SNN: variants seen among roughly 807,000 people sequenced by gnomAD.
SNN encodes stannin.
In SNN, 5 loss-of-function variants were observed where a neutral mutation model predicts 5.3. The observed-to-expected ratio is 0.94, with a 90% confidence interval of 0.49 to 1.97. SNN has a LOEUF of 1.97. Among genes scored for constraint, SNN ranks in the 30% most tolerant of loss-of-function variants. The probability of loss-of-function intolerance (pLI) is 0.01; values close to 1 mark genes in which losing one functional copy is unlikely to be tolerated. For synonymous variants in SNN, 67 were observed against 52.1 expected (o/e 1.29, Z -1.24); for missense variants, 127 against 121.6 (o/e 1.04, Z -0.21).
intron 1 of SNN, among the ~76,000 whole-genome samples, chr16:11,675,760 G>A (rs8191325): frequency 3.9e-5 from 6 of 152,170 alleles, no homozygotes; most frequent in Admixed American, 6.5e-5. Flanking sequence ...CGGCTCTGCC[G>A]CCAGCGAGGG....
Position 11,678,177 on chromosome 16 carries a change from G to A in SNN, c.*1851G>A, listed in dbSNP as rs1015110865. On this transcript the variant is annotated 3_prime_UTR_variant, in exon 2 of 2. Transcript: ENST00000329565. ...GATGTCAGCAGAAGCCCTGCAGGCT[G>A]GGTGGGCAGGACACGTGGTGGGGGC... 3 of 167,206 alleles carry A rather than the reference G, an allele frequency of 1.8e-5. No individual in the cohort carries two copies. The highest frequency in any genetic ancestry group is 4.8e-5 in the African/African-American group (2 of 41,418). 10.4% of individuals were successfully genotyped at this position (167,206 alleles called of 1,614,324 possible).
chr16:11,672,926 G>A lies in SNN; in HGVS notation c.-85-3049G>A, dbSNP rs1001524302. On this transcript the variant is annotated intron_variant, in intron 1 of 1. Transcript: ENST00000329565. This position sits in a 1 kb window ranked among gnomAD's most constrained non-coding sequence, Gnocchi z 6.0. ...TTTGCCCCGCCTATCCCAGGTCCTG[G>A]TGCCATTGTTTGATTTTCTACTTCC... is the stretch of plus-strand genomic sequence containing the variant. Among the ~76,000 whole-genome samples, 12 of 152,164 alleles carry A rather than the reference G, an allele frequency of 7.9e-5. No individual in the cohort carries two copies. The highest frequency in any genetic ancestry group is 2.7e-4 in the African/African-American group (11 of 41,428).
Position 11,679,132 on chromosome 16 carries a change from T to C in SNN, c.*2806T>C. On this transcript the variant is annotated 3_prime_UTR_variant, in exon 2 of 2. Coordinates refer to ENST00000329565, the MANE Select transcript of SNN (RefSeq NM_003498.6). The surrounding 1 kb of genome is among the most constrained non-coding windows in gnomAD (Gnocchi z 4.6). ...TTATTTACAATAAATTTCAATAAAA[T>C]TTGCATAAATATATTCCCAATGTAC... The C allele has an allele frequency of 6.6e-7, 1 of 1,512,748 alleles. No homozygotes were observed. The highest frequency in any genetic ancestry group is 2.1e-5 in the Admixed American group (1 of 47,744). The allele number at this position is 1,512,748 out of a possible 1,614,324, so 93.7% of individuals were successfully genotyped here. A position where few individuals can be genotyped will look rare whatever the true frequency, so the allele number is the denominator to read the frequency against.
In SNN at chr16:11,671,274, C is replaced by A. The variant is rs903299988; in HGVS notation, c.-86+2734C>A. On this transcript the variant is annotated intron_variant, in intron 1 of 1. Coordinates refer to ENST00000329565, the MANE Select transcript of SNN (RefSeq NM_003498.6). This position sits in a 1 kb window ranked among gnomAD's most constrained non-coding sequence, Gnocchi z 4.7. The stretch of plus-strand genomic sequence containing the variant: ...GATCCGAGAGTCAGGACCCCCTTGG[C>A]AGAGGATGGCAAGACTGAAGGCACA... Among the ~76,000 whole-genome samples, 5 of 152,096 alleles carry A rather than the reference C, an allele frequency of 3.3e-5. No homozygotes were observed. The highest frequency in any genetic ancestry group is 1.2e-4 in the African/African-American group (5 of 41,398).
In SNN at chr16:11,677,023, C is replaced by G. The variant is rs906873668; in HGVS notation, c.*697C>G. On this transcript the variant is annotated 3_prime_UTR_variant, in exon 2 of 2. Transcript: ENST00000329565. The surrounding 1 kb of genome is among the most constrained non-coding windows in gnomAD (Gnocchi z 4.2). Reference sequence around the variant, plus strand: ...AGTTCTGTTGAGAGTGGAGTTACTGCAGGGAAGCTACCGGACCTGCCTGGG... The same window carrying G: ...AGTTCTGTTGAGAGTGGAGTTACTGGAGGGAAGCTACCGGACCTGCCTGGG... 1 of 167,152 alleles carries G rather than the reference C, an allele frequency of 6.0e-6. No individual in the cohort carries two copies. Among genetic ancestry groups the G allele is most frequent in the African/African-American group, 2.4e-5 (1 of 41,446 alleles). The allele number at this position is 167,152 out of a possible 1,614,324, so 10.4% of individuals were successfully genotyped here.
intron 1 of SNN, among the ~76,000 whole-genome samples, chr16:11,675,589 A>C (rs1051043214): frequency 6.6e-6 from 1 of 151,982 alleles, no homozygotes; most frequent in African/African-American, 2.4e-5. Context: ...TCAAACCCCC[A>C]TCTCTGGCCA....
chr16:11,675,410 C>T (rs8045300), intron 1 of SNN, among the ~76,000 whole-genome samples: 2 of 151,792 alleles, frequency 1.3e-5, no homozygotes, highest in South Asian at 2.1e-4. Flanking sequence ...TGGGATTACA[C>T]GCATGTGCCA....
At chr16:11,674,361 T>A (rs1310128931) in intron 1 of SNN, among the ~76,000 whole-genome samples, 1 of 152,172 alleles carries the variant, frequency 6.6e-6, no homozygotes, top group Non-Finnish European at 1.5e-5. Context: ...GTCTTGGGAC[T>A]CCAGAGAACC....
In SNN at chr16:11,672,882, C is replaced by T. The variant is rs1322009624; in HGVS notation, c.-85-3093C>T. Among the ~76,000 whole-genome samples, 1 of 152,184 alleles carries T rather than the reference C, an allele frequency of 6.6e-6. No homozygotes were observed. Among genetic ancestry groups the T allele is most frequent in the Non-Finnish European group, 1.5e-5 (1 of 68,028 alleles). ...CTGGGGCCCTTGAACTCAGGTGCCT[C>T]CTGGCCTGCCCACCTGGCTTTGCCC... On this transcript the variant is annotated intron_variant, in intron 1 of 1. Transcript: ENST00000329565. The surrounding 1 kb of genome is among the most constrained non-coding windows in gnomAD (Gnocchi z 6.0).
At chr16:11,675,083 C>T (rs1040844903) in intron 1 of SNN, among the ~76,000 whole-genome samples, 2 of 152,072 alleles carry the variant, frequency 1.3e-5, no homozygotes, top group Non-Finnish European at 2.9e-5. Flanking sequence ...GCTTCCTTCT[C>T]AGATGGTGTG....
Position 11,676,375 on chromosome 16 carries a change from T to C in SNN, c.*49T>C, listed in dbSNP as rs754297474. 14 of 1,581,318 alleles carry C rather than the reference T, an allele frequency of 8.9e-6. No homozygotes were observed. In the African/African-American group the frequency reaches 1.9e-4, roughly 21 times the overall value. The stretch of plus-strand genomic sequence containing the variant: ...CTGTTTGCAGCCGGCCAAGAGGCGC[T>C]GGGAGGGGCAAAACCATACGGATGC... On this transcript the variant is annotated 3_prime_UTR_variant, in exon 2 of 2. Transcript: ENST00000329565.
chr16:11,670,093 G>A (rs377351790), intron 1 of SNN, among the ~76,000 whole-genome samples: 1 of 152,318 alleles, frequency 6.6e-6, no homozygotes, highest in African/African-American at 2.4e-5. Flanking sequence ...TCCTGGCTGT[G>A]TCCAGCAGTG....
chr16:11,673,086 A>AGGGAGGT (rs973602799), intron 1 of SNN, among the ~76,000 whole-genome samples: 1 of 151,784 alleles, frequency 6.6e-6, no homozygotes, highest in Non-Finnish European at 1.5e-5. Flanking sequence ...TGCAGGGGAG[A>AGGGAGGT]GGGAGGTGGG....
chr16:11,670,223 G>GT (rs1479281881), intron 1 of SNN, among the ~76,000 whole-genome samples: 17 of 151,894 alleles, frequency 1.1e-4, no homozygotes, highest in African/African-American at 4.1e-4. Context: ...GCTTTATGGG[G>GT]GGAGGCAGTA....
In SNN at chr16:11,676,271, G is replaced by A; in HGVS notation, c.212G>A (p.Cys71Tyr). ...LLVQYSAKGP[C>Y]VERKAKLMTP... ...GTGCAGTATTCGGCCAAGGGACCGT[G>A]CGTGGAGAGAAAGGCCAAGCTGATG... The change falls in exon 2 of 2, where the codon TGC (cysteine) becomes TAC (tyrosine). Residue 71 changes from cysteine to tyrosine, a missense_variant. Cys to Tyr is a radical substitution (Grantham distance 194). Coordinates refer to ENST00000329565, the MANE Select transcript of SNN (RefSeq NM_003498.6). 2.5e-6 allele frequency: 4 copies of A among 1,614,212 alleles called. No homozygotes were observed. Among genetic ancestry groups the A allele is most frequent in the Non-Finnish European group, 3.4e-6 (4 of 1,180,032 alleles).
At position 11,676,265 on chromosome 16, in the gene SNN, G is replaced by C; in HGVS notation, c.206G>C (p.Gly69Ala). The C allele has an allele frequency of 6.2e-7, 1 of 1,614,220 alleles. No individual in the cohort carries two copies. The highest frequency in any genetic ancestry group is 8.5e-7 in the Non-Finnish European group (1 of 1,180,040). ...PFLLVQYSAK[G>A]PCVERKAKLM... is the part of the protein sequence containing the mutation. ...CTGCTGGTGCAGTATTCGGCCAAGG[G>C]ACCGTGCGTGGAGAGAAAGGCCAAG... is the stretch of plus-strand genomic sequence containing the variant. The change falls in exon 2 of 2, where the codon GGA becomes GCA. Residue 69 changes from glycine (G) to alanine (A), a missense_variant. Coordinates refer to ENST00000329565, the MANE Select transcript of SNN (RefSeq NM_003498.6).
chr16:11,676,127 C>A lies in SNN; in HGVS notation c.68C>A (p.Ala23Glu). The stretch of plus-strand genomic sequence containing the variant: ...GTCATCGTCATCCTCATTGCCATCG[C>A]GGCCCTGGGGGCCTTGATCCTGGGC... ...VTVIVILIAI[A>E]ALGALILGCW... Residue 23 changes from alanine (A) to glutamate (E), a missense_variant, in exon 2 of 2, where the codon GCG (alanine) becomes GAG (glutamate). By Grantham distance (107) the Ala-to-Glu change is moderately radical. Coordinates refer to ENST00000329565, the MANE Select transcript of SNN (RefSeq NM_003498.6). 1 of 1,614,162 alleles carries A rather than the reference C, an allele frequency of 6.2e-7. No individual in the cohort carries two copies. The highest frequency in any genetic ancestry group is 8.5e-7 in the Non-Finnish European group (1 of 1,179,990).
rs554227042 is a variant in SNN at position 11,672,492 on chromosome 16, G to C, written c.-85-3483G>C. On this transcript the variant is annotated intron_variant, in intron 1 of 1. Transcript: ENST00000329565. This position sits in a 1 kb window ranked among gnomAD's most constrained non-coding sequence, Gnocchi z 6.0. ...GTGGGAGCGTGGGCTCGCAGCGGAG[G>C]GTGTGGGGACGCCTGGGGAGGCAGG... 2.8e-4 allele frequency among the ~76,000 whole-genome samples: 42 copies of C among 152,332 alleles called. No individual in the cohort carries two copies. The highest frequency in any genetic ancestry group is 9.9e-4 in the African/African-American group (41 of 41,560).
At chr16:11,674,323 C>T (rs1002427985) in intron 1 of SNN, among the ~76,000 whole-genome samples, 1 of 152,150 alleles carries the variant, frequency 6.6e-6, no homozygotes, top group Admixed American at 6.5e-5. Flanking sequence ...TTGTGGCGAG[C>T]GAGGCAGGAG....
Sources: gnomAD v4.1 joint callset for allele counts (sites outside exome capture counted in the v4.1 genomes callset) on GRCh38, gnomAD v4.1.1 for gene constraint, Gnocchi (gnomAD v3.1) non-coding constraint, MANE v1.5 for transcripts, NCBI Gene and HGNC (gene_info 2026-07-23, HGNC 2026-07-21) for gene names.